The following ABI2 variants were observed in gnomAD, a reference collection of about 807,000 sequenced individuals.
ABI2 encodes abl interactor 2.
A neutral mutation model predicts 59.2 loss-of-function variants in ABI2; 25 were observed. The observed-to-expected ratio is 0.42, with a 90% CI of 0.31 to 0.59. The LOEUF (loss-of-function observed/expected upper bound fraction) is 0.59, where lower values mean the gene tolerates loss of function less well. Ranked by LOEUF, ABI2 falls within the 20% of genes least tolerant of loss-of-function variation. The pLI is 0.14. For missense variants in ABI2, 545 were observed against 681.8 expected (o/e 0.80, Z 2.23); for synonymous variants, 213 against 235.5 (o/e 0.90, Z 0.87).
Position 203,396,818 on chromosome 2 carries a change from C to T in ABI2, c.884C>T (p.Pro295Leu). The change falls in exon 8 of 12, where the codon CCT (proline) becomes CTT (leucine). Residue 295 changes from proline to leucine, a missense_variant. Coordinates refer to ENST00000261018, the MANE Select transcript of ABI2 (RefSeq NM_001375670.1). ...GGCTCTGCTGGCACTCCTCCCCTTC[C>T]TGCTACTTCTGCATCTGCCCCTGCT... ...PAGSAGTPPL[P>L]ATSASAPAPL... 7 of 1,534,414 alleles carry T rather than the reference C, an allele frequency of 4.6e-6. No homozygotes were observed. Among genetic ancestry groups the T allele is most frequent in the Non-Finnish European group, 6.1e-6 (7 of 1,146,250 alleles).
At position 203,430,429 on chromosome 2, in the gene ABI2, C is replaced by T. The variant is rs1363615110; in HGVS notation, c.*3077C>T. On this transcript the variant is annotated 3_prime_UTR_variant, in exon 12 of 12. Transcript: ENST00000261018. Reference sequence around the variant, plus strand: ...TAAAAAAAATGAATAGTTGTCTTTTCTTGTCATATTAATACTCGAAAGTCC... The same window carrying T: ...TAAAAAAAATGAATAGTTGTCTTTTTTTGTCATATTAATACTCGAAAGTCC... 2 of 152,104 alleles carry T rather than the reference C, an allele frequency of 1.3e-5. No homozygotes were observed. Among genetic ancestry groups the T allele is most frequent in the Non-Finnish European group, 2.9e-5 (2 of 68,008 alleles). The allele number at this position is 152,104 out of a possible 1,614,324, so 9.4% of individuals were successfully genotyped here.
chr2:203,331,534 T>A (rs1235126909), intron 1 of ABI2, among the ~76,000 whole-genome samples: 1 of 151,824 alleles, frequency 6.6e-6, no homozygotes, highest in Non-Finnish European at 1.5e-5. Flanking sequence ...AATTTTTGTA[T>A]TTTTAGTAGA....
chr2:203,392,812 G>T (rs978342763), intron 5 of ABI2, among the ~76,000 whole-genome samples: 1 of 152,062 alleles, frequency 6.6e-6, no homozygotes, highest in Non-Finnish European at 1.5e-5. Context: ...TTGAAGATTT[G>T]CTCATATACC....
chr2:203,389,627 A>T (rs1197138166), intron 4 of ABI2, among the ~76,000 whole-genome samples: 1 of 152,208 alleles, frequency 6.6e-6, no homozygotes, highest in East Asian at 1.9e-4. Flanking sequence ...GTATAATTTG[A>T]CTACTCTAGC....
At chr2:203,396,494 T>TA (rs2096991915) in intron 7 of ABI2, among the ~76,000 whole-genome samples, 1 of 152,196 alleles carries the variant, frequency 6.6e-6, no homozygotes, top group Non-Finnish European at 1.5e-5. Flanking sequence ...AATGTTATGC[T>TA]AAAAATAACA....
rs187367097 is a variant in ABI2, at chr2:203,430,817, C to T, written c.*3465C>T. On this transcript the variant is annotated 3_prime_UTR_variant, in exon 12 of 12. Coordinates refer to ENST00000261018, the MANE Select transcript of ABI2 (RefSeq NM_001375670.1). ...TGCATATTTACCGTGATGTCTGGAC[C>T]GTACCTGTGCTCCTTGGCAGTTTAT... The T allele has an allele frequency of 5.9e-5, 9 of 152,238 alleles. No individual in the cohort carries two copies. The highest frequency in any genetic ancestry group is 5.8e-4 in the East Asian group (3 of 5,182). 9.4% of individuals were successfully genotyped at this position (152,238 alleles called of 1,614,324 possible).
At chr2:203,350,804 C>A (rs2087590844) in intron 1 of ABI2, among the ~76,000 whole-genome samples, 1 of 151,720 alleles carries the variant, frequency 6.6e-6, no homozygotes, top group Admixed American at 6.6e-5. Flanking sequence ...TCCCAAAGTG[C>A]TGGGATTATA....
rs973497762 is a variant in ABI2 at position 203,429,798 on chromosome 2, A to AGG, written c.*2448_*2449dup. The stretch of plus-strand genomic sequence containing the variant: ...TCCCACAGCTCACCACTACAGAAGC[A>AGG]GGGAAGACAACTATGCAGAAAACAG... On this transcript the variant is annotated 3_prime_UTR_variant, in exon 12 of 12. Transcript: ENST00000261018. 1 of 151,638 alleles carries AGG rather than the reference A, an allele frequency of 6.6e-6. No individual in the cohort carries two copies. The highest frequency in any genetic ancestry group is 2.4e-5 in the African/African-American group (1 of 41,258). The allele number at this position is 151,638 out of a possible 1,614,324, so 9.4% of individuals were successfully genotyped here.
At chr2:203,417,788 T>C (rs1464032128) in intron 11 of ABI2, among the ~76,000 whole-genome samples, 4 of 152,172 alleles carry the variant, frequency 2.6e-5, no homozygotes, top group Non-Finnish European at 5.9e-5. Flanking sequence ...GTACCCTCCC[T>C]CCTAAAACAG....
rs753289010 is a variant in ABI2, at chr2:203,427,373, G to T, written c.*21G>T. 9 of 1,600,454 alleles carry T rather than the reference G, an allele frequency of 5.6e-6. No homozygotes were observed. In the African/African-American group the frequency reaches 1.2e-4, roughly 21 times the overall value. ...AGTAAAGCTCAGCAGGGCTGTGCTT[G>T]CCTCACAGGAATAGTCAGGTCTTCC... On this transcript the variant is annotated 3_prime_UTR_variant, in exon 12 of 12. Coordinates refer to ENST00000261018, the MANE Select transcript of ABI2 (RefSeq NM_001375670.1).
chr2:203,376,244 T>G, intron 2 of ABI2: 2 of 723,544 alleles, frequency 2.8e-6, no homozygotes, highest in Middle Eastern at 5.3e-4. Flanking sequence ...TTGTCACATC[T>G]CATGGTGGGG....
At chr2:203,402,516 AT>A in intron 8 of ABI2, 59 bp from the exon 9 acceptor site, 1 of 1,268,226 alleles carries the variant, frequency 7.9e-7, no homozygotes. Context: ...TACATAAAGT[AT>A]TTAATGATCT....
At chr2:203,350,295 T>C (rs1217843254) in intron 1 of ABI2, among the ~76,000 whole-genome samples, 1 of 152,148 alleles carries the variant, frequency 6.6e-6, no homozygotes, top group Non-Finnish European at 1.5e-5. Flanking sequence ...CTGGCTGGCC[T>C]CGAACTCTTG....
intron 9 of ABI2, chr2:203,403,364 A>G (rs566945623): frequency 6.5e-6 from 1 of 154,832 alleles, no homozygotes; most frequent in Non-Finnish European, 1.5e-5. Flanking sequence ...TGGACATGGT[A>G]TGTCAACTTA....
chr2:203,340,328 A>G lies in ABI2; in HGVS notation c.117+11697A>G, dbSNP rs145541325. The stretch of plus-strand genomic sequence containing the variant: ...GGGTCTAATGTACTGTGTAGTAACT[A>G]TAGTTAATAATATTGTATACTTGAA... On this transcript the variant is annotated intron_variant, in intron 1 of 11. Coordinates refer to ENST00000261018, the MANE Select transcript of ABI2 (RefSeq NM_001375670.1). 6.6e-5 allele frequency among the ~76,000 whole-genome samples: 10 copies of G among 152,224 alleles called. No homozygotes were observed. The East Asian group carries it at 1.9e-3, about 29-fold the overall frequency.
At chr2:203,359,244 A>G (rs1314753996) in intron 1 of ABI2, among the ~76,000 whole-genome samples, 2 of 152,186 alleles carry the variant, frequency 1.3e-5, no homozygotes, top group Non-Finnish European at 2.9e-5. Flanking sequence ...AAATAACATA[A>G]CCAGTCTTTT....
intron 1 of ABI2, among the ~76,000 whole-genome samples, chr2:203,344,427 G>T (rs558678795): frequency 3.9e-4 from 59 of 151,916 alleles, no homozygotes; most frequent in African/African-American, 1.4e-3. Context: ...GTGCAGGGGC[G>T]TGATCATGTC....
chr2:203,363,764 T>C (rs1431088512), intron 1 of ABI2, among the ~76,000 whole-genome samples: 1 of 152,166 alleles, frequency 6.6e-6, no homozygotes, highest in African/African-American at 2.4e-5. Flanking sequence ...CATATTTTCT[T>C]TTCTTTTCTT....
In ABI2 at chr2:203,395,448, T is replaced by TATATATACAC. The variant is rs750379504; in HGVS notation, c.726-207_726-206insTATATACACA. ...TAATAAGTAAATATATATATATATA[T>TATATATACAC]ACACACACACACACACACACACACA... is the stretch of plus-strand genomic sequence containing the variant. On this transcript the variant is annotated intron_variant, in intron 6 of 11. Coordinates refer to ENST00000261018, the MANE Select transcript of ABI2 (RefSeq NM_001375670.1). Among the ~76,000 whole-genome samples, 970 of 115,286 alleles carry TATATATACAC rather than the reference T, an allele frequency of 8.4e-3. 9 individuals carry two copies. Among genetic ancestry groups the TATATATACAC allele is most frequent in the South Asian group, 0.014 (43 of 3,016 alleles). The allele number at this position is 115,286 out of a possible 152,430, so 75.6% of individuals were successfully genotyped here. A position where few individuals can be genotyped will look rare whatever the true frequency, so the allele number is the denominator to read the frequency against.
Sources: gnomAD v4.1 joint callset for allele counts (sites outside exome capture counted in the v4.1 genomes callset) on GRCh38, gnomAD v4.1.1 for gene constraint, MANE v1.5 for transcripts, NCBI Gene and HGNC (gene_info 2026-07-23, HGNC 2026-07-21) for gene names.